ANKRD30A: variants seen among roughly 807,000 people sequenced by gnomAD.
The protein encoded by ANKRD30A is ankyrin repeat domain 30A.
A neutral mutation model predicts 166.3 loss-of-function variants in ANKRD30A; 170 were observed. That is an observed-to-expected ratio of 1.02 (90% CI 0.90 to 1.16). The LOEUF is 1.16. Ranked by LOEUF, ANKRD30A falls within the 50% of genes most tolerant of loss-of-function variation. The probability of loss-of-function intolerance (pLI) is 0.00; values close to 1 mark genes in which losing one functional copy is unlikely to be tolerated. For missense variants in ANKRD30A, 1,630 were observed against 1,518.0 expected (o/e 1.07, Z -1.23); for synonymous variants, 564 against 508.9 (o/e 1.11, Z -1.46).
rs757448659 is a variant in ANKRD30A at position 37,136,679 on chromosome 10, T to A, written c.820+8T>A. On this transcript the variant is annotated splice_region_variant and intron_variant, in intron 6 of 35. Transcript: ENST00000361713. ...ATCAAAATACCAATCCAGGTAAGAC[T>A]TCTGATAGTAAACTACCCTTGGTGG... is the stretch of plus-strand genomic sequence containing the variant. 7.1e-7 allele frequency: 1 copy of A among 1,400,540 alleles called. No individual in the cohort carries two copies. Among genetic ancestry groups the A allele is most frequent in the Non-Finnish European group, 9.8e-7 (1 of 1,017,644 alleles). 86.8% of individuals were successfully genotyped at this position (1,400,540 alleles called of 1,614,324 possible).
At chr10:37,153,141 A>G (rs1219803518) in intron 12 of ANKRD30A, among the ~76,000 whole-genome samples, 1 of 152,286 alleles carries the variant, frequency 6.6e-6, no homozygotes, top group Middle Eastern at 3.4e-3. Context: ...TTTTAACACT[A>G]AACAGTTCTG....
At chr10:37,262,836 TA>T in the ANKRD30A span, among the ~76,000 whole-genome samples, 1 of 152,104 alleles carries the variant, frequency 6.6e-6, no homozygotes, top group African/African-American at 2.4e-5. Flanking sequence ...AAATAAAGAC[TA>T]AAAAAATTTA....
intron 19 of ANKRD30A, among the ~76,000 whole-genome samples, chr10:37,167,367 A>T (rs1839440119): frequency 6.7e-6 from 1 of 149,646 alleles, no homozygotes; most frequent in Non-Finnish European, 1.5e-5. Flanking sequence ...GAATGTAAGA[A>T]CCTTGGCTTT....
At chr10:37,167,950 C>T (rs1839488992) in intron 19 of ANKRD30A, among the ~76,000 whole-genome samples, 1 of 102,654 alleles carries the variant, frequency 9.7e-6, no homozygotes, top group Admixed American at 1.1e-4. Flanking sequence ...GCCTTAAAGA[C>T]ACATGGTGTA....
intron 34 of ANKRD30A, among the ~76,000 whole-genome samples, chr10:37,223,409 G>A (rs1231847865): frequency 3.3e-5 from 5 of 151,300 alleles, no homozygotes; most frequent in African/African-American, 1.2e-4. Flanking sequence ...ATGTTATGGG[G>A]AACAAATGAG....
chr10:37,242,553 C>A, the ANKRD30A span, among the ~76,000 whole-genome samples: 3 of 152,144 alleles, frequency 2.0e-5, no homozygotes, highest in East Asian at 5.8e-4. Flanking sequence ...TAGGTTATGA[C>A]TTGTTAATAT....
intron 6 of ANKRD30A, among the ~76,000 whole-genome samples, chr10:37,138,358 A>G (rs1281366349): frequency 6.6e-6 from 1 of 152,236 alleles, no homozygotes; most frequent in East Asian, 1.9e-4. Flanking sequence ...CTCACCAGCA[A>G]CAGAACAAAG....
intron 13 of ANKRD30A, among the ~76,000 whole-genome samples, chr10:37,157,522 T>C (rs1838477840): frequency 1.3e-5 from 2 of 152,234 alleles, no homozygotes; most frequent in Admixed American, 1.3e-4. Context: ...TGTACCACCA[T>C]ACCTGGCTGA....
chr10:37,212,547 GC>G (rs1282300729), intron 31 of ANKRD30A, among the ~76,000 whole-genome samples: 1 of 151,990 alleles, frequency 6.6e-6, no homozygotes, highest in East Asian at 1.9e-4. Flanking sequence ...CCAAAAAAGA[GC>G]CCGCATTGTC....
the ANKRD30A span, chr10:37,241,291 T>G: frequency 6.6e-6 from 1 of 151,000 alleles, no homozygotes; most frequent in Non-Finnish European, 1.5e-5. Flanking sequence ...CTTTTATTTT[T>G]AAAATTATAT....
At position 37,193,126 on chromosome 10, in the gene ANKRD30A, A is replaced by C. The variant is rs575432468; in HGVS notation, c.2541+34A>C. On this transcript the variant is annotated intron_variant, in intron 26 of 35. Transcript: ENST00000361713. ...TTTTATATTTTTATCTTGAGTATTA[A>C]CTACATATTTTATGAAGTATACATT... 1.9e-6 allele frequency: 3 copies of C among 1,605,440 alleles called. No individual in the cohort carries two copies. In the South Asian group the frequency reaches 3.3e-5, roughly 18 times the overall value.
At chr10:37,139,846 T>A (rs1836979512) in intron 6 of ANKRD30A, among the ~76,000 whole-genome samples, 1 of 152,164 alleles carries the variant, frequency 6.6e-6, no homozygotes, top group Admixed American at 6.6e-5. Flanking sequence ...GAGAATTAAT[T>A]ACAGTTGAGT....
At chr10:37,225,106 T>C (rs917520716) in intron 34 of ANKRD30A, among the ~76,000 whole-genome samples, 6 of 151,164 alleles carry the variant, frequency 4.0e-5, no homozygotes, top group Non-Finnish European at 7.4e-5. Context: ...CCATGATTAC[T>C]TCTCCCCCAA....
chr10:37,152,719 G>C (rs1298002291), intron 12 of ANKRD30A, among the ~76,000 whole-genome samples: 1 of 152,034 alleles, frequency 6.6e-6, no homozygotes, highest in Non-Finnish European at 1.5e-5. Context: ...TTCACAAATA[G>C]AACTCCTTGA....
At chr10:37,144,490 C>A (rs1300403094) in intron 7 of ANKRD30A, among the ~76,000 whole-genome samples, 1 of 152,104 alleles carries the variant, frequency 6.6e-6, no homozygotes, top group African/African-American at 2.4e-5. Context: ...ACTGTCATGG[C>A]ATATTGAAAT....
chr10:37,226,691 T>C (rs1843169943), intron 34 of ANKRD30A, among the ~76,000 whole-genome samples: 2 of 151,932 alleles, frequency 1.3e-5, no homozygotes, highest in South Asian at 2.1e-4. Context: ...TATGTTTTCA[T>C]GTCTCTTGGG....
At chr10:37,189,790 G>A (rs1588880814) in intron 25 of ANKRD30A, among the ~76,000 whole-genome samples, 1 of 150,744 alleles carries the variant, frequency 6.6e-6, no homozygotes, top group Non-Finnish European at 1.5e-5. Flanking sequence ...TCCAAGACGT[G>A]AGGAAAATGA....
At chr10:37,136,480 T>G (rs1004066049) in intron 5 of ANKRD30A, 127 bp from the exon 6 acceptor site, 1 of 475,498 alleles carries the variant, frequency 2.1e-6, no homozygotes, top group African/African-American at 2.1e-5. Context: ...GTCTATGGAA[T>G]AAGTAATGTT....
At chr10:37,252,774 C>G in the ANKRD30A span, among the ~76,000 whole-genome samples, 40 of 151,810 alleles carry the variant, frequency 2.6e-4, no homozygotes, top group African/African-American at 9.7e-4. Flanking sequence ...TACACTGTTT[C>G]AAATAGTTGT....
Sources: allele counts gnomAD v4.1 joint callset (sites outside exome capture counted in the v4.1 genomes callset), GRCh38; gene constraint gnomAD v4.1.1; transcripts MANE v1.5; gene names NCBI Gene and HGNC (gene_info 2026-07-23, HGNC 2026-07-21).